The following ZNF638 variants were observed in gnomAD, a reference collection of about 807,000 sequenced individuals.
ZNF638 encodes zinc finger protein 638.
A neutral mutation model predicts 195.6 loss-of-function variants in ZNF638; 46 were observed. The observed-to-expected ratio is 0.24, with a 90% CI of 0.19 to 0.30. The LOEUF (loss-of-function observed/expected upper bound fraction) is 0.30. Among genes scored for constraint, ZNF638 ranks in the 10% least tolerant of loss-of-function variants. The pLI is 1.00. For synonymous variants in ZNF638, 845 were observed against 772.0 expected, an observed-to-expected ratio of 1.09 and a Z score of -1.57; for missense variants, 2,440 against 2,325.3, an observed-to-expected ratio of 1.05 and a Z score of -1.01.
intron 20 of ZNF638, 41 bp from the exon 21 acceptor site, chr2:71,418,561 C>G: frequency 1.5e-6 from 2 of 1,339,560 alleles, no homozygotes; most frequent in African/African-American, 1.5e-5. Context: ...TATTTCAAAT[C>G]CAGTGGAATA....
chr2:71,373,437 ATTTTTTTTTTTTT>A (rs754117239), intron 8 of ZNF638, among the ~76,000 whole-genome samples: 720 of 71,110 alleles, frequency 0.01, 16 homozygotes, highest in African/African-American at 0.038. Context: ...TCAAGTTTGA[ATTTTTTTTTTTTT>A]TTTTTTTTTT....
At chr2:71,342,682 GC>G (rs2078782197) in intron 1 of ZNF638, among the ~76,000 whole-genome samples, 2 of 112,738 alleles carry the variant, frequency 1.8e-5, no homozygotes, top group Non-Finnish European at 4.4e-5. Context: ...TTTTGTGCGT[GC>G]GTGTGTGTGT....
intron 1 of ZNF638, among the ~76,000 whole-genome samples, chr2:71,340,776 G>A (rs2078750066): frequency 6.6e-6 from 1 of 152,158 alleles, no homozygotes; most frequent in Non-Finnish European, 1.5e-5. Context: ...CTGGTATATG[G>A]AAAGAACACC....
intron 24 of ZNF638, among the ~76,000 whole-genome samples, chr2:71,428,286 A>G (rs1278749705): frequency 6.6e-6 from 1 of 152,202 alleles, no homozygotes. Context: ...TTAGAAAAAC[A>G]TTTATGGACA....
At chr2:71,353,354 A>T (rs2078973692) in intron 2 of ZNF638, among the ~76,000 whole-genome samples, 1 of 152,200 alleles carries the variant, frequency 6.6e-6, no homozygotes, top group Non-Finnish European at 1.5e-5. Flanking sequence ...GACAATAAAA[A>T]ATTGTTGAGA....
intron 21 of ZNF638, among the ~76,000 whole-genome samples, chr2:71,422,066 A>G (rs2080444291): frequency 6.6e-6 from 1 of 152,194 alleles, no homozygotes; most frequent in Non-Finnish European, 1.5e-5. Context: ...GTTAAATATT[A>G]GAATTATACA....
chr2:71,337,271 A>G (rs1573011874), intron 1 of ZNF638, among the ~76,000 whole-genome samples: 1 of 152,128 alleles, frequency 6.6e-6, no homozygotes, highest in East Asian at 1.9e-4. Flanking sequence ...TGTCTCCTGC[A>G]TATATGGTTT....
chr2:71,366,987 G>A lies in ZNF638; in HGVS notation c.1995+1281G>A, dbSNP rs372020839. ...TATTAATAAGTCTTCAAGTATTTAG[G>A]TATGGAATGCATTGCTCTCAACAGT... On this transcript the variant is annotated intron_variant, in intron 6 of 27. Coordinates refer to ENST00000264447, the MANE Select transcript of ZNF638 (RefSeq NM_014497.5). 7.7e-4 allele frequency among the ~76,000 whole-genome samples: 117 copies of A among 152,166 alleles called. No homozygotes were observed. In the Middle Eastern group the frequency reaches 0.014, roughly 18 times the overall value.
intron 20 of ZNF638, chr2:71,418,248 GA>G: frequency 5.8e-6 from 1 of 172,362 alleles, no homozygotes; most frequent in Non-Finnish European, 1.2e-5. Flanking sequence ...ATCTCTCTTA[GA>G]AGTCTTTTAA....
At chr2:71,412,096 T>A (rs1189816227) in intron 20 of ZNF638, among the ~76,000 whole-genome samples, 7 of 104,750 alleles carry the variant, frequency 6.7e-5, no homozygotes, top group Non-Finnish European at 1.3e-4. Flanking sequence ...CCACCAACAG[T>A]GTAAAAGTGT....
At chr2:71,364,499 T>G (rs2079162491) in intron 5 of ZNF638, among the ~76,000 whole-genome samples, 1 of 152,218 alleles carries the variant, frequency 6.6e-6, no homozygotes, top group South Asian at 2.1e-4. Flanking sequence ...GCTTTAATAA[T>G]TGATTATAGA....
At chr2:71,339,626 C>T (rs2078731018) in intron 1 of ZNF638, among the ~76,000 whole-genome samples, 1 of 152,032 alleles carries the variant, frequency 6.6e-6, no homozygotes, top group South Asian at 2.1e-4. Flanking sequence ...ATTGTCTTTA[C>T]TTCTTGGTCT....
chr2:71,392,125 A>G (rs2104400129), intron 10 of ZNF638, among the ~76,000 whole-genome samples: 1 of 152,342 alleles, frequency 6.6e-6, no homozygotes. Context: ...TCTTGAGTAG[A>G]AATTCGAAGT....
intron 20 of ZNF638, among the ~76,000 whole-genome samples, chr2:71,417,100 C>T (rs1014861507): frequency 1.6e-5 from 2 of 128,662 alleles, no homozygotes; most frequent in African/African-American, 3.0e-5. Flanking sequence ...GCAGTTTGAT[C>T]TCAGAGTGCT....
At chr2:71,422,790 T>G (rs2080459202) in intron 21 of ZNF638, 24 bp from the exon 22 acceptor site, 1 of 1,582,072 alleles carries the variant, frequency 6.3e-7, no homozygotes, top group African/African-American at 1.4e-5. Context: ...TGTGTTCTTT[T>G]TGTTTGTTTT....
intron 3 of ZNF638, among the ~76,000 whole-genome samples, chr2:71,356,813 G>C (rs952583013): frequency 6.6e-6 from 1 of 151,450 alleles, no homozygotes; most frequent in African/African-American, 2.4e-5. Flanking sequence ...TTTTAAGTAA[G>C]AATTTGTAAG....
In ZNF638 at chr2:71,422,891, A is replaced by C; in HGVS notation, c.3377A>C (p.Glu1126Ala). The change falls in exon 22 of 28, where the codon GAG becomes GCG. Residue 1126 changes from glutamate (E) to alanine (A), a missense_variant. By Grantham distance (107) the Glu-to-Ala change is moderately radical (BLOSUM62 -1). Around this residue, in one of 5 missense-constraint regions of ZNF638, gnomAD observed 1,883 missense variants for 1,739.1 expected, o/e 1.08. Coordinates refer to ENST00000264447, the MANE Select transcript of ZNF638 (RefSeq NM_014497.5). The stretch of plus-strand genomic sequence containing the variant: ...GATAGTCCCTCTGTTAAACCTAATG[A>C]GCTTGAAGAAGAAAGTACTCCCAGC... Reference protein sequence around the residue: ...ATDSPSVKPNELEEESTPSIQ... With the variant: ...ATDSPSVKPNALEEESTPSIQ... 1 of 1,614,142 alleles carries C rather than the reference A, an allele frequency of 6.2e-7. No homozygotes were observed. The highest frequency in any genetic ancestry group is 1.1e-5 in the South Asian group (1 of 91,086).
At position 71,416,962 on chromosome 2, in the gene ZNF638, C is replaced by T. The variant is rs551406637; in HGVS notation, c.3262-1640C>T. 7.0e-3 allele frequency among the ~76,000 whole-genome samples: 1,053 copies of T among 151,048 alleles called. 11 individuals are homozygous for T. The highest frequency in any genetic ancestry group is 0.011 in the Non-Finnish European group (754 of 67,836). On this transcript the variant is annotated intron_variant, in intron 20 of 27. Transcript: ENST00000264447. Reference sequence around the variant, plus strand: ...TGTGCCCTGCCCCCAGAGGTGGAGCCTACAGAGGCAGGCAGGCCTCCTTGA... The same window carrying T: ...TGTGCCCTGCCCCCAGAGGTGGAGCTTACAGAGGCAGGCAGGCCTCCTTGA...
intron 1 of ZNF638, among the ~76,000 whole-genome samples, chr2:71,338,227 ATTC>A (rs1466251564): frequency 3.3e-5 from 5 of 152,180 alleles, no homozygotes; most frequent in African/African-American, 1.2e-4. Context: ...CCCACTCATG[ATTC>A]TTACCTGAAC....
Sources: gnomAD v4.1 joint callset for allele counts (sites outside exome capture counted in the v4.1 genomes callset) on GRCh38, gnomAD v4.1.1 for gene constraint, gnomAD v4.1.1 regional missense constraint, MANE v1.5 for transcripts, NCBI Gene and HGNC (gene_info 2026-07-23, HGNC 2026-07-21) for gene names.